GPR39: variants seen among roughly 807,000 people sequenced by gnomAD.
GPR39 encodes G protein-coupled receptor 39.
A neutral mutation model predicts 18.4 loss-of-function variants in GPR39; 23 were observed. The ratio of observed to expected loss-of-function variants is 1.25; its 90% CI spans 0.90 to 1.77. GPR39 has a LOEUF of 1.77. GPR39 is among the 40% of genes most tolerant of loss of function. The pLI is 0.00. For synonymous variants in GPR39, 280 were observed against 257.9 expected (o/e 1.09, Z -0.82); for missense variants, 647 against 602.4 (o/e 1.07, Z -0.78).
At chr2:132,622,572 A>G (rs1024454394) in intron 1 of GPR39, among the ~76,000 whole-genome samples, 3 of 152,230 alleles carry the variant, frequency 2.0e-5, no homozygotes, top group African/African-American at 7.2e-5. Flanking sequence ...AAAGCCATAA[A>G]TCAATACCTG....
In GPR39 at chr2:132,579,031, A is replaced by C. The variant is rs78884900; in HGVS notation, c.857-66070A>C. Among the ~76,000 whole-genome samples the C allele has an allele frequency of 8.4e-3, 1,268 of 150,330 alleles. 20 individuals carry two copies. The highest frequency in any genetic ancestry group is 0.029 in the African/African-American group (1,188 of 40,858). The stretch of plus-strand genomic sequence containing the variant: ...TGGTTTTTTTCTCTCTTCTTTTTTA[A>C]GTTCTTGAGGGTGGAAGCCTAGATT... On this transcript the variant is annotated intron_variant, in intron 1 of 1. Transcript: ENST00000329321.
chr2:132,443,651 C>T (rs1437139028), intron 1 of GPR39, among the ~76,000 whole-genome samples: 1 of 152,152 alleles, frequency 6.6e-6, no homozygotes, highest in Admixed American at 6.5e-5. Context: ...GATGTAGGCC[C>T]ACAGTAAGTT....
rs559956293 is a variant in GPR39, at chr2:132,491,729, G to A, written c.856+73831G>A. 4.6e-5 allele frequency among the ~76,000 whole-genome samples: 7 copies of A among 152,036 alleles called. No homozygotes were observed. The East Asian group carries it at 1.4e-3, about 30-fold the overall frequency. On this transcript the variant is annotated intron_variant, in intron 1 of 1. Transcript: ENST00000329321. ...TAATCCGGGTGTGAATCAGTAAAAA[G>A]CAGTGGTATTGTGTGAGCCCCAGAG... is the stretch of plus-strand genomic sequence containing the variant.
intron 1 of GPR39, among the ~76,000 whole-genome samples, chr2:132,490,149 C>A (rs1464263787): frequency 1.3e-5 from 2 of 151,910 alleles, no homozygotes; most frequent in East Asian, 1.9e-4. Context: ...CAGAGAAATT[C>A]ATCTCCCTTA....
intron 1 of GPR39, among the ~76,000 whole-genome samples, chr2:132,585,539 C>G (rs1272565147): frequency 6.6e-6 from 1 of 152,236 alleles, no homozygotes; most frequent in Non-Finnish European, 1.5e-5. Flanking sequence ...GCAGCTTTCT[C>G]TGCGCGCATC....
chr2:132,534,316 A>C (rs1007899748), intron 1 of GPR39, among the ~76,000 whole-genome samples: 1 of 149,334 alleles, frequency 6.7e-6, no homozygotes, highest in Non-Finnish European at 1.5e-5. Flanking sequence ...TTAGAATGGC[A>C]ATCATTAAAA....
At chr2:132,608,837 A>G (rs1158667848) in intron 1 of GPR39, among the ~76,000 whole-genome samples, 1 of 152,194 alleles carries the variant, frequency 6.6e-6, no homozygotes, top group Non-Finnish European at 1.5e-5. Context: ...ATCAATGAGC[A>G]CTTGAGATGG....
chr2:132,481,814 A>G (rs1396190403), intron 1 of GPR39, among the ~76,000 whole-genome samples: 1 of 152,204 alleles, frequency 6.6e-6, no homozygotes, highest in African/African-American at 2.4e-5. Flanking sequence ...TCAACCTTGG[A>G]GAAGAAGATG....
chr2:132,468,817 A>T (rs922315509), intron 1 of GPR39, among the ~76,000 whole-genome samples: 1 of 152,146 alleles, frequency 6.6e-6, no homozygotes, highest in Non-Finnish European at 1.5e-5. Context: ...TGGGCCTGGA[A>T]AAAGGGGACA....
intron 1 of GPR39, among the ~76,000 whole-genome samples, chr2:132,535,061 C>T (rs1679727318): frequency 6.6e-6 from 1 of 151,884 alleles, no homozygotes; most frequent in Non-Finnish European, 1.5e-5. Flanking sequence ...TTTGAATATC[C>T]TTTATTTCTT....
intron 1 of GPR39, among the ~76,000 whole-genome samples, chr2:132,581,829 C>G (rs1360331085): frequency 6.6e-6 from 1 of 152,140 alleles, no homozygotes; most frequent in Non-Finnish European, 1.5e-5. Context: ...TGGGGCCCAT[C>G]TTTCAGGGCG....
chr2:132,499,508 GT>G (rs980365834), intron 1 of GPR39, among the ~76,000 whole-genome samples: 19 of 151,724 alleles, frequency 1.3e-4, no homozygotes, highest in Middle Eastern at 3.4e-3. Context: ...GGTTTTTTTT[GT>G]TGTTGTTGTT....
At chr2:132,531,953 A>C (rs1679643910) in intron 1 of GPR39, among the ~76,000 whole-genome samples, 1 of 152,252 alleles carries the variant, frequency 6.6e-6, no homozygotes, top group South Asian at 2.1e-4. Flanking sequence ...GAGAAGCAAG[A>C]GCAAACACAT....
chr2:132,623,889 G>A (rs1475492406), intron 1 of GPR39, among the ~76,000 whole-genome samples: 1 of 152,142 alleles, frequency 6.6e-6, no homozygotes, highest in Non-Finnish European at 1.5e-5. Flanking sequence ...GCAGCCTGGA[G>A]CTGATGCTCC....
intron 1 of GPR39, among the ~76,000 whole-genome samples, chr2:132,622,042 G>A (rs1279458396): frequency 6.6e-6 from 1 of 152,172 alleles, no homozygotes; most frequent in African/African-American, 2.4e-5. Context: ...TCCTGCTGAG[G>A]TGAGGGGTCC....
At chr2:132,513,802 C>A (rs1004646655) in intron 1 of GPR39, among the ~76,000 whole-genome samples, 9 of 152,144 alleles carry the variant, frequency 5.9e-5, no homozygotes, top group African/African-American at 2.2e-4. Flanking sequence ...GCCTTGACAT[C>A]CTGAGGGTTA....
At chr2:132,539,056 T>C (rs1679812617) in intron 1 of GPR39, among the ~76,000 whole-genome samples, 1 of 152,132 alleles carries the variant, frequency 6.6e-6, no homozygotes, top group African/African-American at 2.4e-5. Flanking sequence ...CAGCCCCCTT[T>C]CCAGGGGTGT....
chr2:132,485,611 A>G (rs1215449350), intron 1 of GPR39, among the ~76,000 whole-genome samples: 3 of 152,226 alleles, frequency 2.0e-5, no homozygotes, highest in African/African-American at 7.2e-5. Flanking sequence ...GCAGGAGTAG[A>G]TTTCATCTCA....
intron 1 of GPR39, among the ~76,000 whole-genome samples, chr2:132,505,671 A>C (rs1299147251): frequency 6.6e-6 from 1 of 152,100 alleles, no homozygotes; most frequent in Non-Finnish European, 1.5e-5. Flanking sequence ...TCTGTGCCTG[A>C]CTTATTTCAC....
Sources: gnomAD v4.1 joint callset for allele counts (sites outside exome capture counted in the v4.1 genomes callset) on GRCh38, gnomAD v4.1.1 for gene constraint, MANE v1.5 for transcripts, NCBI Gene and HGNC (gene_info 2026-07-23, HGNC 2026-07-21) for gene names.